The following USH2A variants were observed in gnomAD, a reference collection of about 807,000 sequenced individuals.
USH2A encodes the protein usherin.
USH2A carries 443 observed loss-of-function variants against 538.9 expected under a neutral mutation model. That is an observed-to-expected ratio of 0.82 (90% CI 0.76 to 0.89). The LOEUF is 0.89. Among genes scored for constraint, USH2A ranks in the 40% least tolerant of loss-of-function variants. The pLI, the probability that USH2A is intolerant of heterozygous loss-of-function variation, is 0.00. For synonymous variants in USH2A, 2,413 were observed against 2,273.5 expected (o/e 1.06, Z -1.75); for missense variants, 6,633 against 6,324.8 (o/e 1.05, Z -1.65).
intron 32 of USH2A, among the ~76,000 whole-genome samples, chr1:216,042,759 C>T (rs886750450): frequency 6.6e-6 from 1 of 152,018 alleles, no homozygotes; most frequent in African/African-American, 2.4e-5. Flanking sequence ...GATAGCTAAA[C>T]TTTAAAAATA....
intron 58 of USH2A, among the ~76,000 whole-genome samples, chr1:215,745,341 A>C (rs183176911): frequency 1.6e-3 from 246 of 152,344 alleles, no homozygotes; most frequent in Non-Finnish European, 2.7e-3. Flanking sequence ...GGAAATGAAT[A>C]GTGGCTTAAA....
intron 56 of USH2A, among the ~76,000 whole-genome samples, chr1:215,761,342 C>A (rs1660975785): frequency 6.6e-6 from 1 of 152,198 alleles, no homozygotes; most frequent in Admixed American, 6.5e-5. Context: ...AATGGAGTCC[C>A]AACCTAGTTT....
chr1:216,189,675 C>T (rs182746437), intron 20 of USH2A, among the ~76,000 whole-genome samples: 12 of 151,924 alleles, frequency 7.9e-5, no homozygotes, highest in African/African-American at 2.2e-4. Flanking sequence ...AATAGATAAA[C>T]ATTTACCTAT....
At chr1:215,967,714 G>A (rs1274075118) in intron 36 of USH2A, among the ~76,000 whole-genome samples, 1 of 149,870 alleles carries the variant, frequency 6.7e-6, no homozygotes, top group Non-Finnish European at 1.5e-5. Flanking sequence ...TTAAGATTTA[G>A]ATGTCTTAAA....
At chr1:216,228,707 G>A (rs1219338817) in intron 14 of USH2A, among the ~76,000 whole-genome samples, 3 of 152,062 alleles carry the variant, frequency 2.0e-5, no homozygotes, top group African/African-American at 7.2e-5. Context: ...CCCAGTCTCA[G>A]GTATGTCTTT....
chr1:216,289,421 G>A lies in USH2A; in HGVS notation c.1841-11C>T. On this transcript the variant is annotated splice_polypyrimidine_tract_variant and intron_variant, in intron 10 of 71. Coordinates refer to ENST00000307340, the MANE Select transcript of USH2A (RefSeq NM_206933.4). The stretch of plus-strand genomic sequence containing the variant: ...GCTCACAGTTCCTTCCTGCATCAGG[G>A]AAAGGTTATGCATTATGACTTCTAA... 3.1e-6 allele frequency: 5 copies of A among 1,613,754 alleles called. No homozygotes were observed. The highest frequency in any genetic ancestry group is 3.4e-6 in the Non-Finnish European group (4 of 1,179,698).
At chr1:216,273,949 C>T (rs944306676) in intron 11 of USH2A, among the ~76,000 whole-genome samples, 4 of 151,946 alleles carry the variant, frequency 2.6e-5, no homozygotes, top group Admixed American at 2.6e-4. Context: ...CAGTGTATTC[C>T]GAAGTTGAGT....
At chr1:216,153,014 G>GTC (rs1170543796) in intron 21 of USH2A, among the ~76,000 whole-genome samples, 2 of 152,170 alleles carry the variant, frequency 1.3e-5, no homozygotes, top group African/African-American at 4.8e-5. Flanking sequence ...GCTGGGGTTA[G>GTC]TCAGAGAGGA....
intron 61 of USH2A, among the ~76,000 whole-genome samples, chr1:215,726,809 G>T (rs547118821): frequency 1.3e-5 from 2 of 152,214 alleles, no homozygotes; most frequent in Admixed American, 1.3e-4. Flanking sequence ...CTAACACTTG[G>T]TATATGATGT....
intron 27 of USH2A, 75 bp downstream of exon 27, chr1:216,078,014 T>C (rs1210682340): frequency 6.9e-6 from 11 of 1,590,894 alleles, no homozygotes; most frequent in Non-Finnish European, 9.5e-6. Flanking sequence ...TTGCTATCTC[T>C]TGAAACACAG....
At position 216,401,654 on chromosome 1, in the gene USH2A, A is replaced by G. The variant is rs370735580; in HGVS notation, c.651+16860T>C. Among the ~76,000 whole-genome samples, 15 of 152,226 alleles carry G rather than the reference A, an allele frequency of 9.9e-5. No individual in the cohort carries two copies. In the East Asian group the frequency reaches 2.9e-3, roughly 29 times the overall value. On this transcript the variant is annotated intron_variant, in intron 3 of 71. Coordinates refer to ENST00000307340, the MANE Select transcript of USH2A (RefSeq NM_206933.4). ...CAAAAGAAAAAAGGAATAACTAGTA[A>G]CTATCAAATAGCATAGATTTCAGAA...
At chr1:216,006,439 G>C (rs553878260) in intron 32 of USH2A, among the ~76,000 whole-genome samples, 2 of 152,110 alleles carry the variant, frequency 1.3e-5, no homozygotes, top group South Asian at 2.1e-4. Flanking sequence ...GGTCACATAG[G>C]GTTCTTCACA....
At position 216,422,353 on chromosome 1, in the gene USH2A, T is replaced by C; in HGVS notation, c.-17A>G. On this transcript the variant is annotated 5_prime_UTR_variant, in exon 2 of 72. Transcript: ENST00000307340. ...GCAATTCATGTTTACAAAAAAGCAT[T>C]CTCCTCCTGATAAAGCATTTCTAAA... 6.2e-7 allele frequency: 1 copy of C among 1,613,474 alleles called. No individual in the cohort carries two copies. The highest frequency in any genetic ancestry group is 8.5e-7 in the Non-Finnish European group (1 of 1,179,752).
At chr1:216,112,658 G>A (rs777129477) in intron 21 of USH2A, among the ~76,000 whole-genome samples, 1 of 151,926 alleles carries the variant, frequency 6.6e-6, no homozygotes, top group Non-Finnish European at 1.5e-5. Flanking sequence ...GTTCCTTTGT[G>A]TTCATGAGTT....
At chr1:215,654,535 G>A (rs1427867936) in intron 64 of USH2A, among the ~76,000 whole-genome samples, 4 of 152,192 alleles carry the variant, frequency 2.6e-5, no homozygotes, top group Non-Finnish European at 2.9e-5. Flanking sequence ...AGTTATGATT[G>A]TAGAGTCAGA....
At chr1:216,202,551 C>A (rs557442610) in intron 16 of USH2A, among the ~76,000 whole-genome samples, 2 of 152,270 alleles carry the variant, frequency 1.3e-5, no homozygotes, top group East Asian at 3.9e-4. Flanking sequence ...ATCTTTAACA[C>A]TGAATTTGAA....
chr1:215,670,933 A>G (rs1571945323), intron 64 of USH2A, 39 bp downstream of exon 64: 1 of 1,609,472 alleles, frequency 6.2e-7, no homozygotes, highest in Non-Finnish European at 8.5e-7. Context: ...GACGGGTGCA[A>G]ACAATCAGCT....
At chr1:216,149,559 C>T (rs530933793) in intron 21 of USH2A, among the ~76,000 whole-genome samples, 127 of 152,262 alleles carry the variant, frequency 8.3e-4, no homozygotes, top group Non-Finnish European at 1.6e-3. Flanking sequence ...AGCCTGTCCC[C>T]GAGATGCTAC....
chr1:215,877,922 TC>T, intron 42 of USH2A, 42 bp from the exon 43 acceptor site: 2 of 1,612,334 alleles, frequency 1.2e-6, no homozygotes, highest in Non-Finnish European at 1.7e-6. Flanking sequence ...TTATCTCAAC[TC>T]ATATTGAGAT....
Sources: gnomAD v4.1 joint callset for allele counts (sites outside exome capture counted in the v4.1 genomes callset) on GRCh38, gnomAD v4.1.1 for gene constraint, MANE v1.5 for transcripts, NCBI Gene and HGNC (gene_info 2026-07-23, HGNC 2026-07-21) for gene names.